Variants in B3GAT1 observed in about 807,000 individuals in gnomAD.
B3GAT1 encodes the protein galactosylgalactosylxylosylprotein 3-beta-glucuronosyltransferase 1.
In B3GAT1, 11 loss-of-function variants were observed where a neutral mutation model predicts 28.4. The ratio of observed to expected loss-of-function variants is 0.39; its 90% CI spans 0.24 to 0.64. B3GAT1 has a LOEUF of 0.64. Ranked by LOEUF, B3GAT1 falls within the 30% of genes least tolerant of loss-of-function variation. The probability of loss-of-function intolerance (pLI) is 0.50; values close to 1 mark genes in which losing one functional copy is unlikely to be tolerated. For missense variants in B3GAT1, 375 were observed against 491.0 expected (o/e 0.76, Z 2.23); for synonymous variants, 255 against 223.1 (o/e 1.14, Z -1.27).
At chr11:134,384,973 C>T (rs1944240911) in intron 2 of B3GAT1, 1 of 152,174 alleles carries the variant, frequency 6.6e-6, no homozygotes, top group African/African-American at 2.4e-5. Context: ...GCCCTCCTGT[C>T]CTAGCTTACC....
At position 134,387,953 on chromosome 11, in the gene B3GAT1, G is replaced by T; in HGVS notation, c.-281-13C>A. The T allele has an allele frequency of 8.4e-7, 1 of 1,196,750 alleles. No homozygotes were observed. Among genetic ancestry groups the T allele is most frequent in the Non-Finnish European group, 1.2e-6 (1 of 866,122 alleles). 74.1% of individuals were successfully genotyped at this position (1,196,750 alleles called of 1,614,324 possible). Reference sequence around the variant, plus strand: ...GGGGGGTGGACACCTGCAAGAGAGAGCAGAAGCGGATAGCCAGAGACCCAG... The same window carrying T: ...GGGGGGTGGACACCTGCAAGAGAGATCAGAAGCGGATAGCCAGAGACCCAG... On this transcript the variant is annotated splice_polypyrimidine_tract_variant and intron_variant, in intron 1 of 5. Coordinates refer to ENST00000312527, the MANE Select transcript of B3GAT1 (RefSeq NM_054025.3).
At chr11:134,398,737 C>A (rs1944552151) in intron 1 of B3GAT1, among the ~76,000 whole-genome samples, 1 of 151,912 alleles carries the variant, frequency 6.6e-6, no homozygotes, top group Non-Finnish European at 1.5e-5. Context: ...CCCTCCCGGG[C>A]CCCCTCCTGC....
In B3GAT1 at chr11:134,393,580, A is replaced by G. The variant is rs1944451226; in HGVS notation, c.-281-5640T>C. 6.6e-6 allele frequency among the ~76,000 whole-genome samples: 1 copy of G among 152,148 alleles called. No homozygotes were observed. Among genetic ancestry groups the G allele is most frequent in the Non-Finnish European group, 1.5e-5 (1 of 68,026 alleles). On this transcript the variant is annotated intron_variant, in intron 1 of 5. Transcript: ENST00000312527. The surrounding 1 kb of genome is among the most constrained non-coding windows in gnomAD (Gnocchi z 4.0). ...CCTAACTTGGAGAACTTTTTTCTGG[A>G]CTCACCTTATGAAATTTTCATAGAA...
intron 1 of B3GAT1, among the ~76,000 whole-genome samples, chr11:134,401,384 G>C (rs1389701171): frequency 6.6e-6 from 1 of 152,206 alleles, no homozygotes; most frequent in African/African-American, 2.4e-5. Context: ...ATACACCATG[G>C]AATACTACGT....
At chr11:134,383,598 C>A (rs757311689) in intron 3 of B3GAT1, 82 bp downstream of exon 3, 2 of 1,436,664 alleles carry the variant, frequency 1.4e-6, no homozygotes, top group East Asian at 5.0e-5. Context: ...CGCGCGCCTC[C>A]GCACCCACAC....
In B3GAT1 at chr11:134,383,078, C is replaced by T. The variant is rs552424060; in HGVS notation, c.622-72G>A. On this transcript the variant is annotated intron_variant, in intron 3 of 5. Coordinates refer to ENST00000312527, the MANE Select transcript of B3GAT1 (RefSeq NM_054025.3). Reference sequence around the variant, plus strand: ...GACGGCCGCGCGTGCCCAAGGGAGGCGACATCCTTCAGCCACCTCTATCTA... The same window carrying T: ...GACGGCCGCGCGTGCCCAAGGGAGGTGACATCCTTCAGCCACCTCTATCTA... 18 of 1,446,592 alleles carry T rather than the reference C, an allele frequency of 1.2e-5. No individual in the cohort carries two copies. The Admixed American group carries it at 2.0e-4, about 16-fold the overall frequency. The allele number at this position is 1,446,592 out of a possible 1,614,324, so 89.6% of individuals were successfully genotyped here. A position where few individuals can be genotyped will look rare whatever the true frequency, so the allele number is the denominator to read the frequency against.
intron 1 of B3GAT1, among the ~76,000 whole-genome samples, chr11:134,401,774 A>C (rs1313033873): frequency 6.6e-6 from 1 of 152,182 alleles, no homozygotes; most frequent in Non-Finnish European, 1.5e-5. Context: ...AACTCAGCTG[A>C]ATCCAAGTGC....
intron 2 of B3GAT1, 126 bp downstream of exon 2, chr11:134,387,422 G>A (rs1944314607): frequency 2.4e-6 from 3 of 1,264,090 alleles, no homozygotes; most frequent in Non-Finnish European, 2.2e-6. Flanking sequence ...CTCATGAAGG[G>A]GCCTAGATGA....
Position 134,387,745 on chromosome 11 carries a change from A to C in B3GAT1, c.-86T>G. ...GGGCGGCCACGGGCGGCGGCAGCAC[A>C]GGGGAGAAAAGAACAGGCATGGGCC... On this transcript the variant is annotated 5_prime_UTR_variant, in exon 2 of 6. Coordinates refer to ENST00000312527, the MANE Select transcript of B3GAT1 (RefSeq NM_054025.3). 3 of 1,578,198 alleles carry C rather than the reference A, an allele frequency of 1.9e-6. No individual in the cohort carries two copies. The South Asian group carries it at 3.4e-5, about 18-fold the overall frequency.
Position 134,387,703 on chromosome 11 carries a change from C to T in B3GAT1, c.-44G>A, listed in dbSNP as rs1476215561. 5.6e-6 allele frequency: 9 copies of T among 1,611,862 alleles called. No individual in the cohort carries two copies. Among genetic ancestry groups the T allele is most frequent in the Middle Eastern group, 1.6e-4 (1 of 6,082 alleles). On this transcript the variant is annotated 5_prime_UTR_variant, in exon 2 of 6. Coordinates refer to ENST00000312527, the MANE Select transcript of B3GAT1 (RefSeq NM_054025.3). ...CCACGGCTCCTCATTACCTGAGTGG[C>T]GGTAAGTTCAGGAGAGGGGCGGCCA...
intron 2 of B3GAT1, chr11:134,385,295 G>GGCATCCACACCAAAGGGGAGGACCCCGT (rs1944249719): frequency 6.6e-6 from 1 of 152,310 alleles, no homozygotes; most frequent in Non-Finnish European, 1.5e-5. Flanking sequence ...GAGGACCCCG[G>GGCATCCACACCAAAGGGGAGGACCCCGT]GCATCAGCTC....
chr11:134,401,263 C>T (rs893517410), intron 1 of B3GAT1, among the ~76,000 whole-genome samples: 4 of 151,178 alleles, frequency 2.6e-5, no homozygotes, highest in South Asian at 4.1e-4. Context: ...GTCGTTTTAC[C>T]GTGAAGACAC....
Position 134,411,984 on chromosome 11 carries a change from C to CGCCCGCCCGCCCGCCCGCA in B3GAT1, c.-460_-459insTGCGGGCGGGCGGGCGGGC, listed in dbSNP as rs558191809. ...TAGCCGCGGGGTCCGCGCGCCCGCCCGCCCCGCCCGGCCCCGCCGCCCCGG... is the reference window on the plus strand; with the variant it reads ...TAGCCGCGGGGTCCGCGCGCCCGCCCGCCCGCCCGCCCGCCCGCAGCCCCGCCCGGCCCCGCCGCCCCGG... On this transcript the variant is annotated 5_prime_UTR_variant, in exon 1 of 6. Coordinates refer to ENST00000312527, the MANE Select transcript of B3GAT1 (RefSeq NM_054025.3). This position sits in a 1 kb window ranked among gnomAD's most constrained non-coding sequence, Gnocchi z 6.0. 16 of 147,620 alleles carry CGCCCGCCCGCCCGCCCGCA rather than the reference C, an allele frequency of 1.1e-4. No homozygotes were observed. Among genetic ancestry groups the CGCCCGCCCGCCCGCCCGCA allele is most frequent in the African/African-American group, 2.2e-4 (9 of 40,740 alleles). The allele number at this position is 147,620 out of a possible 1,614,324, so 9.1% of individuals were successfully genotyped here.
In B3GAT1 at chr11:134,387,747, G is replaced by T; in HGVS notation, c.-88C>A. 1 of 1,578,204 alleles carries T rather than the reference G, an allele frequency of 6.3e-7. No individual in the cohort carries two copies. Among genetic ancestry groups the T allele is most frequent in the South Asian group, 1.1e-5 (1 of 87,084 alleles). ...GCGGCCACGGGCGGCGGCAGCACAG[G>T]GGAGAAAAGAACAGGCATGGGCCGG... On this transcript the variant is annotated 5_prime_UTR_variant, in exon 2 of 6. Coordinates refer to ENST00000312527, the MANE Select transcript of B3GAT1 (RefSeq NM_054025.3).
intron 1 of B3GAT1, among the ~76,000 whole-genome samples, chr11:134,404,843 C>T (rs1944697887): frequency 6.6e-6 from 1 of 152,222 alleles, no homozygotes; most frequent in African/African-American, 2.4e-5. Context: ...AGTAATACTT[C>T]AGCTACCACG....
chr11:134,404,004 TA>T lies in B3GAT1; in HGVS notation c.-282+7802del, dbSNP rs1417498015. 1.9e-3 allele frequency among the ~76,000 whole-genome samples: 175 copies of T among 90,014 alleles called. 10 individuals are homozygous for T. Among genetic ancestry groups the T allele is most frequent in the African/African-American group, 7.1e-3 (163 of 22,850 alleles). 59.1% of individuals were successfully genotyped at this position (90,014 alleles called of 152,430 possible). ...TTCTTTATATATATATATATATATA[TA>T]TATATATATATATATATATATATAT... On this transcript the variant is annotated intron_variant, in intron 1 of 5. Coordinates refer to ENST00000312527, the MANE Select transcript of B3GAT1 (RefSeq NM_054025.3).
chr11:134,400,579 C>T (rs1469943641), intron 1 of B3GAT1, among the ~76,000 whole-genome samples: 1 of 152,176 alleles, frequency 6.6e-6, no homozygotes, highest in Non-Finnish European at 1.5e-5. Flanking sequence ...TGAAACTGGA[C>T]CTCTGCCTCT....
intron 1 of B3GAT1, 150 bp from the exon 2 acceptor site, chr11:134,388,090 G>A (rs1000876579): frequency 2.7e-6 from 1 of 373,896 alleles, no homozygotes; most frequent in African/African-American, 2.1e-5. Flanking sequence ...TTGTCTGCCT[G>A]TTAGAGTGGA....
At chr11:134,394,500 T>G (rs1016995715) in intron 1 of B3GAT1, among the ~76,000 whole-genome samples, 2 of 151,536 alleles carry the variant, frequency 1.3e-5, no homozygotes, top group Non-Finnish European at 2.9e-5. Flanking sequence ...TGGGCAACCC[T>G]GCTCCAGGGC....
Sources: gnomAD v4.1 joint callset for allele counts (sites outside exome capture counted in the v4.1 genomes callset) on GRCh38, gnomAD v4.1.1 for gene constraint, Gnocchi (gnomAD v3.1) non-coding constraint, MANE v1.5 for transcripts, NCBI Gene and HGNC (gene_info 2026-07-23, HGNC 2026-07-21) for gene names.